The following BMPR1B variants were observed in gnomAD, a reference collection of about 807,000 sequenced individuals.
BMPR1B encodes bone morphogenetic protein receptor type-1B.
BMPR1B carries 12 observed loss-of-function variants against 59.1 expected under a neutral mutation model. That is an observed-to-expected ratio of 0.20 (90% CI 0.13 to 0.33). The LOEUF is 0.33. Among genes scored for constraint, BMPR1B ranks in the 10% least tolerant of loss-of-function variants. The pLI is 1.00. For missense variants in BMPR1B, 550 were observed against 610.9 expected (o/e 0.90, Z 1.05); for synonymous variants, 237 against 207.3 (o/e 1.14, Z -1.23).
At chr4:95,048,888 A>G (rs931521849) in intron 3 of BMPR1B, among the ~76,000 whole-genome samples, 20 of 152,306 alleles carry the variant, frequency 1.3e-4, no homozygotes, top group African/African-American at 4.3e-4. Flanking sequence ...CCATTTATAG[A>G]AGATCCCCTT....
intron 1 of BMPR1B, among the ~76,000 whole-genome samples, chr4:94,858,725 G>A (rs1339608409): frequency 6.6e-6 from 1 of 152,150 alleles, no homozygotes; most frequent in Non-Finnish European, 1.5e-5. Context: ...AAATGGGGCA[G>A]GTAGGCTAGT....
intron 2 of BMPR1B, among the ~76,000 whole-genome samples, chr4:94,958,304 G>A (rs563581581): frequency 1.3e-4 from 20 of 152,206 alleles, no homozygotes; most frequent in African/African-American, 4.8e-4. Flanking sequence ...ATACTGTCTG[G>A]GCATATGGCA....
intron 2 of BMPR1B, among the ~76,000 whole-genome samples, chr4:94,913,810 T>C (rs1487914967): frequency 1.3e-5 from 2 of 152,186 alleles, no homozygotes; most frequent in Non-Finnish European, 2.9e-5. Context: ...TGTGTCTATC[T>C]GTACTGTTCA....
At chr4:94,783,543 T>C (rs889327447) in intron 1 of BMPR1B, among the ~76,000 whole-genome samples, 25 of 152,150 alleles carry the variant, frequency 1.6e-4, no homozygotes, top group African/African-American at 6.0e-4. Context: ...CTGGGCAAAA[T>C]CTCTGAGCCA....
At chr4:95,030,079 T>A (rs1426044582) in intron 3 of BMPR1B, among the ~76,000 whole-genome samples, 9 of 151,634 alleles carry the variant, frequency 5.9e-5, no homozygotes, top group African/African-American at 1.9e-4. Flanking sequence ...CTGTTCACTC[T>A]GATGGTAGTT....
chr4:94,940,122 G>T (rs767652760), intron 2 of BMPR1B, among the ~76,000 whole-genome samples: 22 of 152,112 alleles, frequency 1.4e-4, no homozygotes, highest in Non-Finnish European at 2.6e-4. Flanking sequence ...AGAATTGTCA[G>T]AATACAGTTA....
At chr4:95,152,850 T>C in intron 12 of BMPR1B, 77 bp downstream of exon 12, 1 of 1,542,962 alleles carries the variant, frequency 6.5e-7, no homozygotes. Flanking sequence ...TTCCACATAT[T>C]GATTGTAGGA....
intron 1 of BMPR1B, among the ~76,000 whole-genome samples, chr4:94,762,864 T>G (rs558222339): frequency 2.0e-5 from 3 of 152,066 alleles, no homozygotes; most frequent in East Asian, 1.9e-4. Context: ...TTTTGTTTTT[T>G]TTTTTTTGCG....
chr4:94,962,632 C>T (rs1278511359), intron 2 of BMPR1B, among the ~76,000 whole-genome samples: 3 of 152,120 alleles, frequency 2.0e-5, no homozygotes, highest in Non-Finnish European at 2.9e-5. Context: ...CCTCCAGTTC[C>T]ATCCATGTTA....
At chr4:95,038,483 A>G (rs1009964607) in intron 3 of BMPR1B, among the ~76,000 whole-genome samples, 1 of 152,152 alleles carries the variant, frequency 6.6e-6, no homozygotes, top group African/African-American at 2.4e-5. Context: ...TGATCATCTA[A>G]AAACCAACAC....
At chr4:95,129,392 C>A (rs1192278435) in intron 8 of BMPR1B, among the ~76,000 whole-genome samples, 1 of 152,054 alleles carries the variant, frequency 6.6e-6, no homozygotes, top group Non-Finnish European at 1.5e-5. Flanking sequence ...TCCTTCCTCC[C>A]TCCCTCCCTT....
chr4:95,066,584 C>T (rs892061487), intron 3 of BMPR1B, among the ~76,000 whole-genome samples: 1 of 152,104 alleles, frequency 6.6e-6, no homozygotes, highest in African/African-American at 2.4e-5. Flanking sequence ...TAAGCAAAGT[C>T]AAAGTGAGAA....
At chr4:94,949,820 T>C (rs971830430) in intron 2 of BMPR1B, among the ~76,000 whole-genome samples, 1 of 152,222 alleles carries the variant, frequency 6.6e-6, no homozygotes, top group African/African-American at 2.4e-5. Flanking sequence ...ATGGGATTAC[T>C]GGGTCAAATG....
At chr4:94,831,688 A>T (rs1219581365) in intron 1 of BMPR1B, among the ~76,000 whole-genome samples, 1 of 152,204 alleles carries the variant, frequency 6.6e-6, no homozygotes, top group African/African-American at 2.4e-5. Flanking sequence ...TACAGCAGGG[A>T]TCCCCAGCCC....
At chr4:95,116,286 T>G (rs891533001) in intron 6 of BMPR1B, among the ~76,000 whole-genome samples, 1 of 152,106 alleles carries the variant, frequency 6.6e-6, no homozygotes, top group Non-Finnish European at 1.5e-5. Flanking sequence ...AAAGTTTTAA[T>G]TTCAAAACTT....
chr4:95,150,762 T>C (rs1222415463), intron 11 of BMPR1B, among the ~76,000 whole-genome samples: 2 of 152,216 alleles, frequency 1.3e-5, no homozygotes, highest in African/African-American at 2.4e-5. Context: ...TTTGCTATAA[T>C]GTTGCCTTAT....
At chr4:94,805,913 A>C (rs2110630241) in intron 1 of BMPR1B, among the ~76,000 whole-genome samples, 1 of 152,330 alleles carries the variant, frequency 6.6e-6, no homozygotes, top group Middle Eastern at 3.4e-3. Context: ...TGGATCTAGA[A>C]AATTGTAGCC....
chr4:94,790,239 A>T (rs552792316), intron 1 of BMPR1B, among the ~76,000 whole-genome samples: 1 of 152,178 alleles, frequency 6.6e-6, no homozygotes, highest in Admixed American at 6.5e-5. Context: ...GCATTGTTAT[A>T]GAGTCAGTTG....
chr4:94,996,766 A>G (rs1722086082), intron 3 of BMPR1B, among the ~76,000 whole-genome samples: 1 of 152,120 alleles, frequency 6.6e-6, no homozygotes, highest in South Asian at 2.1e-4. Context: ...GTCACTTGCT[A>G]TTGGATTCTT....
Sources: allele counts gnomAD v4.1 joint callset (sites outside exome capture counted in the v4.1 genomes callset), GRCh38; gene constraint gnomAD v4.1.1; transcripts MANE v1.5; gene names NCBI Gene and HGNC (gene_info 2026-07-23, HGNC 2026-07-21).